Variants in CDH18 observed in about 807,000 individuals in gnomAD.
CDH18 encodes cadherin 18.
CDH18 carries 31 observed loss-of-function variants against 67.9 expected under a neutral mutation model. That is an observed-to-expected ratio of 0.46 (90% CI 0.34 to 0.62). CDH18 has a LOEUF of 0.62. CDH18 is among the 20% of genes least tolerant of loss of function. CDH18 has a pLI of 0.01. For synonymous variants in CDH18, 362 were observed against 347.2 expected (o/e 1.04, Z -0.48); for missense variants, 890 against 975.5 (o/e 0.91, Z 1.17).
At chr5:19,894,568 C>T (rs150969175) in intron 2 of CDH18, among the ~76,000 whole-genome samples, 155 of 152,024 alleles carry the variant, frequency 1.0e-3, no homozygotes, top group African/African-American at 3.6e-3. Flanking sequence ...GTTCCTGTAA[C>T]AGCAACTTAT....
intron 2 of CDH18, among the ~76,000 whole-genome samples, chr5:20,150,569 C>T (rs998150831): frequency 2.0e-5 from 3 of 152,052 alleles, no homozygotes; most frequent in Non-Finnish European, 4.4e-5. Flanking sequence ...ACACGTCTAG[C>T]ATAGTTTTAT....
intron 2 of CDH18, among the ~76,000 whole-genome samples, chr5:20,161,073 C>T (rs564444865): frequency 7.2e-5 from 11 of 152,302 alleles, no homozygotes; most frequent in Non-Finnish European, 1.3e-4. Context: ...GATCTTATGA[C>T]TCACAAAGTC....
chr5:20,573,217 C>T (rs938997188), intron 1 of CDH18, among the ~76,000 whole-genome samples: 1 of 151,746 alleles, frequency 6.6e-6, no homozygotes, highest in Non-Finnish European at 1.5e-5. Context: ...GCAAACAGTG[C>T]TAAGAAATTA....
At chr5:20,223,142 G>T (rs1430520207) in intron 2 of CDH18, among the ~76,000 whole-genome samples, 3 of 152,080 alleles carry the variant, frequency 2.0e-5, no homozygotes, top group Non-Finnish European at 2.9e-5. Context: ...AGCCAGGAGG[G>T]GAGCTGTACC....
In CDH18 at chr5:19,477,267, T is replaced by G. The variant is rs192870042; in HGVS notation, c.1883-3551A>C. ...TAGGATCCCTCTAGTTAAAGATAAATTCAAATCAACTCAGAAAAATGTTGT... is the reference window on the plus strand; with the variant it reads ...TAGGATCCCTCTAGTTAAAGATAAAGTCAAATCAACTCAGAAAAATGTTGT... On this transcript the variant is annotated intron_variant, in intron 12 of 12. Transcript: ENST00000382275. Among the ~76,000 whole-genome samples the G allele has an allele frequency of 4.9e-3, 746 of 151,616 alleles. 5 individuals are homozygous for G. The highest frequency in any genetic ancestry group is 0.017 in the African/African-American group (710 of 41,424).
intron 1 of CDH18, among the ~76,000 whole-genome samples, chr5:20,482,056 A>G (rs1030832443): frequency 1.3e-5 from 2 of 151,952 alleles, no homozygotes; most frequent in African/African-American, 4.8e-5. Context: ...TAACCAGAGT[A>G]AGAAAAAAGA....
At chr5:20,304,561 G>T (rs1166881704) in intron 1 of CDH18, 15 of 1,611,250 alleles carry the variant, frequency 9.3e-6, no homozygotes, top group Non-Finnish European at 1.3e-5. Flanking sequence ...GGAGTTTCCA[G>T]GGGAGAATGA....
intron 1 of CDH18, among the ~76,000 whole-genome samples, chr5:20,564,347 T>G (rs1461030057): frequency 6.6e-6 from 1 of 151,734 alleles, no homozygotes; most frequent in Non-Finnish European, 1.5e-5. Flanking sequence ...GTGCAATCTC[T>G]GCTCACTGAG....
chr5:20,425,227 T>C (rs1309278322), intron 1 of CDH18, among the ~76,000 whole-genome samples: 1 of 150,304 alleles, frequency 6.7e-6, no homozygotes, highest in Non-Finnish European at 1.5e-5. Context: ...ATTAGCTGGG[T>C]GTGGTGGCGC....
At chr5:20,535,444 C>T (rs1315394188) in intron 1 of CDH18, among the ~76,000 whole-genome samples, 2 of 152,066 alleles carry the variant, frequency 1.3e-5, no homozygotes, top group Non-Finnish European at 2.9e-5. Context: ...TTACATTTAG[C>T]CCACCAGTAT....
At chr5:19,865,518 C>A (rs996858642) in intron 2 of CDH18, among the ~76,000 whole-genome samples, 1 of 151,928 alleles carries the variant, frequency 6.6e-6, no homozygotes, top group Non-Finnish European at 1.5e-5. Context: ...TGGAGGAGTA[C>A]CAAGAGTGTC....
At chr5:20,492,039 G>A (rs904290441) in intron 1 of CDH18, among the ~76,000 whole-genome samples, 1 of 151,854 alleles carries the variant, frequency 6.6e-6, no homozygotes, top group Admixed American at 6.6e-5. Context: ...CTTACAGATT[G>A]TATTTCTTTC....
intron 3 of CDH18, among the ~76,000 whole-genome samples, chr5:19,834,372 T>G (rs999740671): frequency 1.3e-5 from 2 of 152,044 alleles, no homozygotes; most frequent in Non-Finnish European, 2.9e-5. Flanking sequence ...AGTGGTGATA[T>G]CTCCTTTATC....
chr5:20,480,135 A>G (rs1212971898), intron 1 of CDH18, among the ~76,000 whole-genome samples: 1 of 152,218 alleles, frequency 6.6e-6, no homozygotes, highest in East Asian at 1.9e-4. Flanking sequence ...GAAATGCCAA[A>G]GGGAGTTTCT....
intron 1 of CDH18, among the ~76,000 whole-genome samples, chr5:20,462,905 T>C (rs17839264): frequency 0.083 from 12,690 of 152,216 alleles, 1,702 homozygotes; most frequent in African/African-American, 0.28. Flanking sequence ...TCAAACTCTA[T>C]TTAGAAATTA....
intron 8 of CDH18, among the ~76,000 whole-genome samples, chr5:19,566,528 G>T (rs911023531): frequency 6.6e-6 from 1 of 152,176 alleles, no homozygotes; most frequent in African/African-American, 2.4e-5. Flanking sequence ...CACGTCTTGC[G>T]TGGGGGCAGA....
At chr5:20,105,031 C>T (rs1436862025) in intron 2 of CDH18, among the ~76,000 whole-genome samples, 2 of 151,934 alleles carry the variant, frequency 1.3e-5, no homozygotes, top group Non-Finnish European at 2.9e-5. Flanking sequence ...TTTTGTTGCC[C>T]AGGCTGGAGT....
intron 3 of CDH18, among the ~76,000 whole-genome samples, chr5:19,762,755 C>A (rs1772537495): frequency 6.6e-6 from 1 of 152,106 alleles, no homozygotes; most frequent in Admixed American, 6.5e-5. Flanking sequence ...TGGGTATACA[C>A]CCAAAGGATT....
chr5:20,150,753 A>G (rs902139169), intron 2 of CDH18, among the ~76,000 whole-genome samples: 5 of 152,044 alleles, frequency 3.3e-5, no homozygotes, highest in African/African-American at 1.2e-4. Context: ...TTCTATGGAG[A>G]CTCTTAACTA....
Sources: gnomAD v4.1 joint callset for allele counts (sites outside exome capture counted in the v4.1 genomes callset) on GRCh38, gnomAD v4.1.1 for gene constraint, MANE v1.5 for transcripts, NCBI Gene and HGNC (gene_info 2026-07-23, HGNC 2026-07-21) for gene names.